Variants in IQCM observed in about 807,000 individuals in gnomAD.
The protein encoded by IQCM is IQ motif containing M.
In IQCM, 45 loss-of-function variants were observed where a neutral mutation model predicts 57.6. The observed-to-expected ratio is 0.78, with a 90% CI of 0.62 to 1.00. The LOEUF (loss-of-function observed/expected upper bound fraction) is 1.00. Ranked by LOEUF, IQCM falls within the 50% of genes least tolerant of loss-of-function variation. The pLI is 0.00. For missense variants in IQCM, 468 were observed against 511.6 expected (o/e 0.91, Z 0.82); for synonymous variants, 148 against 158.9 (o/e 0.93, Z 0.51).
intron 13 of IQCM, among the ~76,000 whole-genome samples, chr4:149,419,689 T>A (rs1733990976): frequency 6.6e-6 from 1 of 152,096 alleles, no homozygotes. Context: ...GAAACTATCA[T>A]CAGGGTGAAC....
intron 8 of IQCM, 47 bp from the exon 9 acceptor site, chr4:149,588,044 A>G: frequency 2.4e-6 from 2 of 832,746 alleles, no homozygotes; most frequent in Non-Finnish European, 3.2e-6. Context: ...AAACAATGTT[A>G]TCACCTATAA....
At chr4:149,673,501 C>T (rs1761489698) in intron 7 of IQCM, among the ~76,000 whole-genome samples, 2 of 151,972 alleles carry the variant, frequency 1.3e-5, no homozygotes, top group South Asian at 4.1e-4. Flanking sequence ...GACTTTAAAC[C>T]AACAAAAATC....
At chr4:149,470,617 G>A (rs1739416395) in intron 12 of IQCM, among the ~76,000 whole-genome samples, 3 of 152,138 alleles carry the variant, frequency 2.0e-5, no homozygotes, top group South Asian at 4.1e-4. Context: ...TCTGCACCAA[G>A]CAGACCTAAT....
intron 7 of IQCM, among the ~76,000 whole-genome samples, chr4:149,632,151 G>A (rs1757321928): frequency 6.6e-6 from 1 of 152,176 alleles, no homozygotes; most frequent in Non-Finnish European, 1.5e-5. Context: ...GAATGACTGG[G>A]GTCAGGGGAT....
chr4:149,525,045 C>T (rs534629750), intron 12 of IQCM, among the ~76,000 whole-genome samples: 190 of 151,764 alleles, frequency 1.3e-3, no homozygotes, highest in Middle Eastern at 3.4e-3. Context: ...AGCACTGGAA[C>T]CCAATGTTCC....
chr4:149,700,076 G>C lies in IQCM; in HGVS notation c.386-13608C>G, dbSNP rs568825668. ...CTCATTGTGTTGCCCCAAAGAGGACGGAGGCATGGGAAAACTGAGGCAAGA... is the reference window on the plus strand; with the variant it reads ...CTCATTGTGTTGCCCCAAAGAGGACCGAGGCATGGGAAAACTGAGGCAAGA... On this transcript the variant is annotated intron_variant, in intron 5 of 13. Coordinates refer to ENST00000636793, the MANE Select transcript of IQCM (RefSeq NM_001363507.2). 1.5e-3 allele frequency among the ~76,000 whole-genome samples: 230 copies of C among 152,100 alleles called. 1 individual carries two copies. The highest frequency in any genetic ancestry group is 5.3e-3 in the African/African-American group (220 of 41,524).
chr4:149,755,653 T>C (rs1280094954), intron 2 of IQCM, among the ~76,000 whole-genome samples: 1 of 152,182 alleles, frequency 6.6e-6, no homozygotes, highest in Non-Finnish European at 1.5e-5. Context: ...TAATACTATT[T>C]AACATACAAT....
At chr4:149,383,440 A>G (rs1731211571) in intron 13 of IQCM, among the ~76,000 whole-genome samples, 1 of 152,172 alleles carries the variant, frequency 6.6e-6, no homozygotes, top group Admixed American at 6.6e-5. Context: ...TCAAGTGGAC[A>G]GCATTTTGGT....
At chr4:149,658,356 T>C (rs1759821514) in intron 7 of IQCM, among the ~76,000 whole-genome samples, 1 of 152,090 alleles carries the variant, frequency 6.6e-6, no homozygotes, top group Non-Finnish European at 1.5e-5. Context: ...GTTCCCTTGG[T>C]CTATGTGTTT....
chr4:149,803,029 A>G (rs1773746842), intron 2 of IQCM, among the ~76,000 whole-genome samples: 1 of 152,006 alleles, frequency 6.6e-6, no homozygotes, highest in South Asian at 2.1e-4. Context: ...GCCCAATTTT[A>G]TAAGGTAACT....
At chr4:149,739,292 G>A (rs898432112) in intron 3 of IQCM, among the ~76,000 whole-genome samples, 90 of 151,912 alleles carry the variant, frequency 5.9e-4, no homozygotes, top group Non-Finnish European at 1.2e-3. Flanking sequence ...TTTGTAAACA[G>A]AGGATAATAA....
intron 12 of IQCM, among the ~76,000 whole-genome samples, chr4:149,544,333 A>G (rs1748164822): frequency 6.6e-6 from 1 of 152,186 alleles, no homozygotes; most frequent in Non-Finnish European, 1.5e-5. Flanking sequence ...AGAAAATACA[A>G]TATTTAGTAA....
At chr4:149,629,859 C>T (rs1165721054) in intron 7 of IQCM, among the ~76,000 whole-genome samples, 2 of 152,002 alleles carry the variant, frequency 1.3e-5, no homozygotes, top group Non-Finnish European at 2.9e-5. Context: ...CTAAAGAGAA[C>T]ATTTTGTATT....
At chr4:149,782,165 T>C (rs1771661615) in intron 2 of IQCM, among the ~76,000 whole-genome samples, 1 of 152,012 alleles carries the variant, frequency 6.6e-6, no homozygotes, top group Admixed American at 6.5e-5. Context: ...CAAGAAAAAT[T>C]TACCCATTCT....
chr4:149,647,862 T>C (rs1159367854), intron 7 of IQCM, among the ~76,000 whole-genome samples: 5 of 152,166 alleles, frequency 3.3e-5, no homozygotes, highest in Non-Finnish European at 7.3e-5. Context: ...TATTCTCTTC[T>C]TTTTGGACTC....
chr4:149,495,048 G>GA (rs1347710456), intron 12 of IQCM, among the ~76,000 whole-genome samples: 5 of 151,972 alleles, frequency 3.3e-5, no homozygotes, highest in Non-Finnish European at 7.4e-5. Context: ...GAGAAAGTAA[G>GA]AAAAAGGTAG....
intron 5 of IQCM, among the ~76,000 whole-genome samples, chr4:149,702,241 G>A (rs559242475): frequency 6.6e-6 from 1 of 150,930 alleles, no homozygotes; most frequent in African/African-American, 2.4e-5. Flanking sequence ...GTAAAGCAAT[G>A]ACACACCTGA....
chr4:149,528,424 T>G, intron 12 of IQCM, among the ~76,000 whole-genome samples: 1 of 152,258 alleles, frequency 6.6e-6, no homozygotes, highest in South Asian at 2.1e-4. Flanking sequence ...TTTATAAAAT[T>G]ACATATCTGC....
In IQCM at chr4:149,715,828, G is replaced by A. The variant is rs370478121; in HGVS notation, c.385+17416C>T. 2.6e-4 allele frequency among the ~76,000 whole-genome samples: 39 copies of A among 152,298 alleles called. No individual in the cohort carries two copies. The South Asian group carries it at 7.9e-3, about 31-fold the overall frequency. On this transcript the variant is annotated intron_variant, in intron 5 of 13. Coordinates refer to ENST00000636793, the MANE Select transcript of IQCM (RefSeq NM_001363507.2). ...TCCGCAGATTCCTCTCCACAGGCAG[G>A]TCATCCCAACATCAATGTCTCTGCA...
Sources: gnomAD v4.1 joint callset for allele counts (sites outside exome capture counted in the v4.1 genomes callset) on GRCh38, gnomAD v4.1.1 for gene constraint, MANE v1.5 for transcripts, NCBI Gene and HGNC (gene_info 2026-07-23, HGNC 2026-07-21) for gene names.